The following KCNQ1OT1 variants were observed in gnomAD, a reference collection of about 807,000 sequenced individuals.
KCNQ1OT1 encodes KCNQ1 opposite strand/antisense transcript 1.
exon 1 of KCNQ1OT1, chr11:2,614,951 A>G: frequency 2.5e-6 from 1 of 398,448 alleles, no homozygotes; most frequent in Non-Finnish European, 4.4e-6. Context: ...GGATTTTGAT[A>G]AGGGTTGCAT....
rs1244613500 is a variant in KCNQ1OT1 at position 2,663,249 on chromosome 11, G to A, written n.36746C>T. ...GAGCCAGCAGATCACTGGAAAGCAGGGGTGACTAGTCATGGACACCCTGAG... is the reference window on the plus strand; with the variant it reads ...GAGCCAGCAGATCACTGGAAAGCAGAGGTGACTAGTCATGGACACCCTGAG... On this transcript the variant is annotated non_coding_transcript_exon_variant, in exon 1 of 1. Transcript: ENST00000597346. The surrounding 1 kb of genome is among the most constrained non-coding windows in gnomAD (Gnocchi z 5.2). The A allele has an allele frequency of 2.5e-6, 1 of 398,718 alleles. No homozygotes were observed. Among genetic ancestry groups the A allele is most frequent in the Non-Finnish European group, 4.4e-6 (1 of 226,134 alleles). The allele number at this position is 398,718 out of a possible 1,614,324, so 24.7% of individuals were successfully genotyped here.
At chr11:2,688,795 C>A (rs559388605) in exon 1 of KCNQ1OT1, 4 of 398,778 alleles carry the variant, frequency 1.0e-5, no homozygotes, top group Non-Finnish European at 1.8e-5. Context: ...TTGCCCTCCC[C>A]CACACACAGC....
At position 2,679,321 on chromosome 11, in the gene KCNQ1OT1, C is replaced by T. The variant is rs1850347087; in HGVS notation, n.20674G>A. ...CTAATAACAGGGTCTGGAGTCTGAA[C>T]TCATATCCTAATTCCACTACTTTCT... On this transcript the variant is annotated non_coding_transcript_exon_variant, in exon 1 of 1. Coordinates refer to ENST00000597346, the Ensembl canonical transcript of KCNQ1OT1. This position sits in a 1 kb window ranked among gnomAD's most constrained non-coding sequence, Gnocchi z 4.8. 4 of 398,646 alleles carry T rather than the reference C, an allele frequency of 1.0e-5. No homozygotes were observed. The highest frequency in any genetic ancestry group is 1.8e-5 in the Non-Finnish European group (4 of 226,072). 24.7% of individuals were successfully genotyped at this position (398,646 alleles called of 1,614,324 possible).
exon 1 of KCNQ1OT1, chr11:2,646,929 T>G (rs1423160234): frequency 2.5e-6 from 1 of 398,572 alleles, no homozygotes; most frequent in Non-Finnish European, 4.4e-6. Flanking sequence ...GATTATGCCA[T>G]CTGCAAAGGA....
chr11:2,647,360 G>A lies in KCNQ1OT1; in HGVS notation n.52635C>T, dbSNP rs891998641. The A allele has an allele frequency of 1.8e-5, 7 of 398,434 alleles. No individual in the cohort carries two copies. Among genetic ancestry groups the A allele is most frequent in the South Asian group, 1.3e-4 (1 of 7,842 alleles). 24.7% of individuals were successfully genotyped at this position (398,434 alleles called of 1,614,324 possible). ...ATGGTGTATTATCTTTTTGATGTGCGATTGGATTCAGATTGCTAGTTTGTG... is the reference window on the plus strand; with the variant it reads ...ATGGTGTATTATCTTTTTGATGTGCAATTGGATTCAGATTGCTAGTTTGTG... On this transcript the variant is annotated non_coding_transcript_exon_variant, in exon 1 of 1. Transcript: ENST00000597346. The surrounding 1 kb of genome is among the most constrained non-coding windows in gnomAD (Gnocchi z 4.0).
At position 2,677,634 on chromosome 11, in the gene KCNQ1OT1, T is replaced by G. The variant is rs1850316846; in HGVS notation, n.22361A>C. 1 of 398,532 alleles carries G rather than the reference T, an allele frequency of 2.5e-6. No homozygotes were observed. Among genetic ancestry groups the G allele is most frequent in the Non-Finnish European group, 4.4e-6 (1 of 226,078 alleles). The allele number at this position is 398,532 out of a possible 1,614,324, so 24.7% of individuals were successfully genotyped here. A position where few individuals can be genotyped will look rare whatever the true frequency, so the allele number is the denominator to read the frequency against. ...TTTTTCTAAAACGTGTACATAATTG[T>G]AACTCTAACAACTGTTATTGCATAT... On this transcript the variant is annotated non_coding_transcript_exon_variant, in exon 1 of 1. Transcript: ENST00000597346. This position sits in a 1 kb window ranked among gnomAD's most constrained non-coding sequence, Gnocchi z 4.5.
rs1312458170 is a variant in KCNQ1OT1 at position 2,620,211 on chromosome 11, ATTTTTTTTTTT to A, written n.79773_79783del. The A allele has an allele frequency of 1.5e-5, 4 of 261,946 alleles. 1 individual carries two copies. Among genetic ancestry groups the A allele is most frequent in the Non-Finnish European group, 2.7e-5 (4 of 149,564 alleles). 16.2% of individuals were successfully genotyped at this position (261,946 alleles called of 1,614,324 possible). Reference sequence around the variant, plus strand: ...TAAGTTCATTCATGTATATATATATATTTTTTTTTTTTATTTTTTTTTTAGACGGAGTTTCG... The same window carrying A: ...TAAGTTCATTCATGTATATATATATATATTTTTTTTTTAGACGGAGTTTCG... On this transcript the variant is annotated non_coding_transcript_exon_variant, in exon 1 of 1. Coordinates refer to ENST00000597346, the Ensembl canonical transcript of KCNQ1OT1. This position sits in a 1 kb window ranked among gnomAD's most constrained non-coding sequence, Gnocchi z 4.5.
Position 2,621,891 on chromosome 11 carries a change from T to C in KCNQ1OT1, n.78104A>G, listed in dbSNP as rs1849178497. On this transcript the variant is annotated non_coding_transcript_exon_variant, in exon 1 of 1. Coordinates refer to ENST00000597346, the Ensembl canonical transcript of KCNQ1OT1. This position sits in a 1 kb window ranked among gnomAD's most constrained non-coding sequence, Gnocchi z 5.7. The stretch of plus-strand genomic sequence containing the variant: ...TCTAACTTGTCTCTGTTCTGATCTT[T>C]ATTATTTCCTTCTGTTAACTTTGGC... 5.0e-6 allele frequency: 2 copies of C among 398,396 alleles called. No individual in the cohort carries two copies. Among genetic ancestry groups the C allele is most frequent in the African/African-American group, 2.1e-5 (1 of 48,744 alleles). The allele number at this position is 398,396 out of a possible 1,614,324, so 24.7% of individuals were successfully genotyped here.
chr11:2,674,781 C>T lies in KCNQ1OT1; in HGVS notation n.25214G>A, dbSNP rs1001009376. ...GTGCCAGACCAGCTTCCTGGAAACTCTCGCCAACTGCTGGCCTTTGGAAAG... is the reference window on the plus strand; with the variant it reads ...GTGCCAGACCAGCTTCCTGGAAACTTTCGCCAACTGCTGGCCTTTGGAAAG... On this transcript the variant is annotated non_coding_transcript_exon_variant, in exon 1 of 1. Transcript: ENST00000597346. This position sits in a 1 kb window ranked among gnomAD's most constrained non-coding sequence, Gnocchi z 5.9. The T allele has an allele frequency of 2.5e-6, 1 of 394,556 alleles. No homozygotes were observed. The highest frequency in any genetic ancestry group is 4.4e-6 in the Non-Finnish European group (1 of 225,674). The allele number at this position is 394,556 out of a possible 1,614,324, so 24.4% of individuals were successfully genotyped here.
Position 2,612,793 on chromosome 11 carries a change from C to T in KCNQ1OT1, n.87202G>A. On this transcript the variant is annotated non_coding_transcript_exon_variant, in exon 1 of 1. Coordinates refer to ENST00000597346, the Ensembl canonical transcript of KCNQ1OT1. The surrounding 1 kb of genome is among the most constrained non-coding windows in gnomAD (Gnocchi z 5.5). ...GTTCAAGGGTCACAATTTTCTGTTT[C>T]TTTGCATATCTCATTTTTTTTGTTA... 2.5e-6 allele frequency: 1 copy of T among 398,482 alleles called. No individual in the cohort carries two copies. Among genetic ancestry groups the T allele is most frequent in the East Asian group, 3.6e-5 (1 of 28,058 alleles). 24.7% of individuals were successfully genotyped at this position (398,482 alleles called of 1,614,324 possible).
chr11:2,666,933 CCT>C, exon 1 of KCNQ1OT1: 2 of 398,698 alleles, frequency 5.0e-6, no homozygotes, highest in Non-Finnish European at 4.4e-6. Context: ...CTCCAGACCA[CCT>C]CTGTCTGCAC....
rs1393675347 is a variant in KCNQ1OT1, at chr11:2,699,977, C to T, written n.18G>A. The T allele has an allele frequency of 5.3e-5, 21 of 398,312 alleles. No individual in the cohort carries two copies. In the Middle Eastern group the frequency reaches 1.9e-3, roughly 36 times the overall value. 24.7% of individuals were successfully genotyped at this position (398,312 alleles called of 1,614,324 possible). A position where few individuals can be genotyped will look rare whatever the true frequency, so the allele number is the denominator to read the frequency against. ...AGCTCCCTGGAGGTCCGTGCTGAGG[C>T]GACGCGGCGACCGTTCTGCCTGGAG... On this transcript the variant is annotated non_coding_transcript_exon_variant, in exon 1 of 1. Transcript: ENST00000597346.
exon 1 of KCNQ1OT1, chr11:2,631,214 G>A (rs1471217015): frequency 2.5e-6 from 1 of 398,440 alleles, no homozygotes; most frequent in Admixed American, 4.4e-5. Flanking sequence ...TATAAATCCT[G>A]TGTGAACATT....
chr11:2,670,960 GC>G lies in KCNQ1OT1; in HGVS notation n.29034del, dbSNP rs765220681. 6.8e-5 allele frequency: 27 copies of G among 398,606 alleles called. No individual in the cohort carries two copies. Among genetic ancestry groups the G allele is most frequent in the Admixed American group, 1.3e-4 (3 of 22,734 alleles). The allele number at this position is 398,606 out of a possible 1,614,324, so 24.7% of individuals were successfully genotyped here. ...GCCCAGCTTCATGCCTTCTTATGGT[GC>G]CCCAGAGCCCCTGGCTAGGCATTCA... is the stretch of plus-strand genomic sequence containing the variant. On this transcript the variant is annotated non_coding_transcript_exon_variant, in exon 1 of 1. Transcript: ENST00000597346. This position sits in a 1 kb window ranked among gnomAD's most constrained non-coding sequence, Gnocchi z 4.9.
rs1242111321 is a variant in KCNQ1OT1 at position 2,647,276 on chromosome 11, T to C, written n.52719A>G. The C allele has an allele frequency of 2.5e-6, 1 of 398,412 alleles. No homozygotes were observed. 24.7% of individuals were successfully genotyped at this position (398,412 alleles called of 1,614,324 possible). On this transcript the variant is annotated non_coding_transcript_exon_variant, in exon 1 of 1. Transcript: ENST00000597346. The surrounding 1 kb of genome is among the most constrained non-coding windows in gnomAD (Gnocchi z 4.0). Reference sequence around the variant, plus strand: ...CCTTCTGTTAATGTGATGTATCACATTTATTGATTTGTATATGTTGAACCA... The same window carrying C: ...CCTTCTGTTAATGTGATGTATCACACTTATTGATTTGTATATGTTGAACCA...
Position 2,687,954 on chromosome 11 carries a change from G to A in KCNQ1OT1, n.12041C>T. On this transcript the variant is annotated non_coding_transcript_exon_variant, in exon 1 of 1. Coordinates refer to ENST00000597346, the Ensembl canonical transcript of KCNQ1OT1. The surrounding 1 kb of genome is among the most constrained non-coding windows in gnomAD (Gnocchi z 5.0). ...CACTTCTCCCACCCGCTGTGGGTCA[G>A]CCAGGCCGCTGCTTCCTGCTTCCCT... 1 of 398,798 alleles carries A rather than the reference G, an allele frequency of 2.5e-6. No individual in the cohort carries two copies. The highest frequency in any genetic ancestry group is 4.4e-6 in the Non-Finnish European group (1 of 226,200). 24.7% of individuals were successfully genotyped at this position (398,798 alleles called of 1,614,324 possible). A position where few individuals can be genotyped will look rare whatever the true frequency, so the allele number is the denominator to read the frequency against.
exon 1 of KCNQ1OT1, chr11:2,643,598 C>A: frequency 2.5e-6 from 1 of 398,424 alleles, no homozygotes; most frequent in Non-Finnish European, 4.4e-6. Context: ...GTTTTTAAGT[C>A]CATTCAGCCA....
chr11:2,662,813 C>G, exon 1 of KCNQ1OT1: 1 of 398,932 alleles, frequency 2.5e-6, no homozygotes, highest in Non-Finnish European at 4.4e-6. Flanking sequence ...GTGAGTGACA[C>G]TCGCGGCCCT....
At chr11:2,616,860 G>A in exon 1 of KCNQ1OT1, 2 of 398,206 alleles carry the variant, frequency 5.0e-6, no homozygotes, top group Non-Finnish European at 8.9e-6. Context: ...GTGTAGTTGG[G>A]TGGAGTGTCC....
Sources: gnomAD v4.1 joint callset for allele counts on GRCh38, gnomAD v4.1.1 for gene constraint, Gnocchi (gnomAD v3.1) non-coding constraint, MANE v1.5 for transcripts, NCBI Gene and HGNC (gene_info 2026-07-23, HGNC 2026-07-21) for gene names.